Variants in DNAH2 observed in about 807,000 individuals in gnomAD.
The protein encoded by DNAH2 is dynein axonemal heavy chain 2.
A neutral mutation model predicts 523.5 loss-of-function variants in DNAH2; 323 were observed. That is an observed-to-expected ratio of 0.62 (90% CI 0.56 to 0.68). The LOEUF is 0.68. Ranked by LOEUF, DNAH2 falls within the 30% of genes least tolerant of loss-of-function variation. The pLI is 0.00. For synonymous variants in DNAH2, 2,093 were observed against 2,177.4 expected (o/e 0.96, Z 1.08); for missense variants, 4,907 against 5,701.5 (o/e 0.86, Z 4.49).
chr17:7,790,094 G>A (rs962887086), intron 44 of DNAH2, among the ~76,000 whole-genome samples: 7 of 152,198 alleles, frequency 4.6e-5, no homozygotes, highest in African/African-American at 1.7e-4. Flanking sequence ...GTCTCCAAGA[G>A]GCCTGAGAGA....
Position 7,799,155 on chromosome 17 carries a change from C to T in DNAH2, c.8612C>T (p.Ser2871Leu), listed in dbSNP as rs768853669. The T allele has an allele frequency of 9.3e-6, 15 of 1,614,216 alleles. No individual in the cohort carries two copies. Among genetic ancestry groups the T allele is most frequent in the African/African-American group, 2.7e-5 (2 of 75,064 alleles). Residue 2871 changes from serine to leucine, a missense_variant, in exon 56 of 86, where the codon TCG (serine) becomes TTG (leucine). Ser to Leu is a moderately radical substitution (Grantham distance 145). Transcript: ENST00000572933. ...QARVEQVPES[S>L]DSLFAYLIER... Reference sequence around the variant, plus strand: ...CGGGTGGAGCAGGTGCCTGAGTCATCGGACAGCCTCTTCGCCTACCTCATT... The same window carrying T: ...CGGGTGGAGCAGGTGCCTGAGTCATTGGACAGCCTCTTCGCCTACCTCATT...
In DNAH2 at chr17:7,780,172, C is replaced by T. The variant is rs756976023; in HGVS notation, c.5738C>T (p.Thr1913Ile). 3.7e-6 allele frequency: 6 copies of T among 1,613,458 alleles called. No homozygotes were observed. The highest frequency in any genetic ancestry group is 5.1e-6 in the Non-Finnish European group (6 of 1,179,762). The change falls in exon 37 of 86, where the codon ACA becomes ATA. Residue 1913 changes from threonine (T) to isoleucine (I), a missense_variant. Around this residue, in one of 3 missense-constraint regions of DNAH2, gnomAD observed 2,806 missense variants for 3,190.8 expected, o/e 0.88. Coordinates refer to ENST00000572933, the MANE Select transcript of DNAH2 (RefSeq NM_020877.5). This position sits in a 1 kb window ranked among gnomAD's most constrained non-coding sequence, Gnocchi z 4.4. ...ITMNPGYAGR[T>I]ELPENLKSMF... ...TGTTTTCCAGGCTATGCTGGCCGCA[C>T]AGAGCTTCCCGAAAATCTTAAATCC...
At position 7,830,413 on chromosome 17, in the gene DNAH2, C is replaced by T. The variant is rs764981425; in HGVS notation, c.11967C>T (p.His3989=). The T allele has an allele frequency of 4.0e-5, 64 of 1,614,134 alleles. 1 individual carries two copies. Among genetic ancestry groups the T allele is most frequent in the Admixed American group, 1.2e-4 (7 of 60,016 alleles). The change falls in exon 78 of 86, where the codon CAC becomes CAT. Residue 3989 remains histidine, a synonymous_variant. Transcript: ENST00000572933. ...TGCTGTTTTCACTCTGTTTCTTCCACTCTGTGTTACTTGAACGCAAAAAGT... is the reference window on the plus strand; with the variant it reads ...TGCTGTTTTCACTCTGTTTCTTCCATTCTGTGTTACTTGAACGCAAAAAGT... ...KKLLFSLCFF[H]SVLLERKKFL...
rs1179126719 is a variant in DNAH2 at position 7,807,818 on chromosome 17, G to C, written c.9729+232G>C. Among the ~76,000 whole-genome samples, 5 of 152,182 alleles carry C rather than the reference G, an allele frequency of 3.3e-5. No individual in the cohort carries two copies. The highest frequency in any genetic ancestry group is 1.2e-4 in the African/African-American group (5 of 41,462). ...GGCTCAAAGGCACTGCGACCCAGGA[G>C]CCCTTCCAAAGATTGACTTGGGAGC... On this transcript the variant is annotated intron_variant, in intron 63 of 85. Transcript: ENST00000572933. The surrounding 1 kb of genome is among the most constrained non-coding windows in gnomAD (Gnocchi z 5.6).
At chr17:7,740,346 G>A (rs2075273795) in intron 9 of DNAH2, 74 bp from the exon 10 acceptor site, 1 of 1,592,138 alleles carries the variant, frequency 6.3e-7, no homozygotes, top group African/African-American at 1.3e-5. Flanking sequence ...GCAATGCATG[G>A]GATTCTTCCT....
chr17:7,833,078 T>C lies in DNAH2; in HGVS notation c.12986T>C (p.Val4329Ala). 6.2e-7 allele frequency: 1 copy of C among 1,613,478 alleles called. No homozygotes were observed. Reference protein sequence around the residue: ...SNLVYPPKDGVWVRGLYLEGA... With the variant: ...SNLVYPPKDGAWVRGLYLEGA... ...GCTCCCATTTCTCCCCAGGATGGTGTCTGGGTCCGGGGCCTGTACCTGGAA... is the reference window on the plus strand; with the variant it reads ...GCTCCCATTTCTCCCCAGGATGGTGCCTGGGTCCGGGGCCTGTACCTGGAA... The change falls in exon 85 of 86, where the codon GTC becomes GCC. Residue 4329 changes from valine (V) to alanine (A), a missense_variant. This residue lies in a region of DNAH2 where 1,851 missense variants were observed against 2,139.4 expected (regional missense o/e 0.87). Transcript: ENST00000572933.
chr17:7,824,829 T>C, intron 77 of DNAH2, 102 bp downstream of exon 77: 1 of 1,096,936 alleles, frequency 9.1e-7, no homozygotes, highest in Admixed American at 3.1e-5. Context: ...ATGATTTGAT[T>C]GTCCTCAAAA....
intron 44 of DNAH2, among the ~76,000 whole-genome samples, chr17:7,788,539 CA>C (rs2076809971): frequency 6.6e-6 from 1 of 152,186 alleles, no homozygotes; most frequent in Non-Finnish European, 1.5e-5. Context: ...GAAAATAGCT[CA>C]TTCCGCTCCT....
intron 58 of DNAH2, among the ~76,000 whole-genome samples, chr17:7,802,727 A>G (rs950902492): frequency 5.9e-5 from 9 of 151,890 alleles, no homozygotes; most frequent in Admixed American, 2.0e-4. Context: ...GCAGTGGCGC[A>G]GTCTTGGCTC....
chr17:7,787,572 TA>T lies in DNAH2; in HGVS notation c.6604-282del, dbSNP rs1333717215. ...CAACAGGGTAAAACCCCATCTCTAC[TA>T]AAAAATACAAAAGTTAGCTGGGTGT... is the stretch of plus-strand genomic sequence containing the variant. On this transcript the variant is annotated intron_variant, in intron 42 of 85. Transcript: ENST00000572933. 7 of 305,426 alleles carry T rather than the reference TA, an allele frequency of 2.3e-5. No individual in the cohort carries two copies. In the East Asian group the frequency reaches 3.6e-4, roughly 16 times the overall value. The allele number at this position is 305,426 out of a possible 1,614,324, so 18.9% of individuals were successfully genotyped here.
chr17:7,785,027 GC>G (rs1453140332), intron 39 of DNAH2, among the ~76,000 whole-genome samples: 1 of 151,676 alleles, frequency 6.6e-6, no homozygotes, highest in Non-Finnish European at 1.5e-5. Context: ...AATAGAAAAA[GC>G]CCGAGTGTTT....
At position 7,738,129 on chromosome 17, in the gene DNAH2, C is replaced by T. The variant is rs534623902; in HGVS notation, c.1170+871C>T. On this transcript the variant is annotated intron_variant, in intron 8 of 85. Transcript: ENST00000572933. ...GTGCAGATGCACATCCAGTATGATA[C>T]GCCTCCCCTAACATCCCATGTCTCA... 30 of 703,124 alleles carry T rather than the reference C, an allele frequency of 4.3e-5. No homozygotes were observed. In the East Asian group the frequency reaches 6.2e-4, roughly 14 times the overall value. The allele number at this position is 703,124 out of a possible 1,614,324, so 43.6% of individuals were successfully genotyped here. A position where few individuals can be genotyped will look rare whatever the true frequency, so the allele number is the denominator to read the frequency against.
At chr17:7,816,920 A>G (rs980429599) in intron 64 of DNAH2, among the ~76,000 whole-genome samples, 185 bp downstream of exon 64, 1 of 152,190 alleles carries the variant, frequency 6.6e-6, no homozygotes, top group Non-Finnish European at 1.5e-5. Flanking sequence ...ATGGAAGGAA[A>G]GGCTTTTTGC....
chr17:7,831,428 T>G lies in DNAH2; in HGVS notation c.12498T>G (p.Pro4166=). Residue 4166 remains proline, a synonymous_variant, in exon 81 of 86, where the codon CCT becomes CCG. Transcript: ENST00000572933. This position sits in a 1 kb window ranked among gnomAD's most constrained non-coding sequence, Gnocchi z 4.2. ...CCGCTGATGTGAAGCAGAAGATCCC[T>G]GAAATGATCGACTATGAGGGGACTC... is the stretch of plus-strand genomic sequence containing the variant. The part of the protein sequence containing the change: ...ELAADVKQKI[P]EMIDYEGTQK... 6.2e-7 allele frequency: 1 copy of G among 1,614,180 alleles called. No homozygotes were observed. The highest frequency in any genetic ancestry group is 8.5e-7 in the Non-Finnish European group (1 of 1,180,038).
intron 6 of DNAH2, 66 bp from the exon 7 acceptor site, chr17:7,734,404 G>A: frequency 6.3e-7 from 1 of 1,599,806 alleles, no homozygotes; most frequent in Non-Finnish European, 8.6e-7. Context: ...GGGGTTGCGG[G>A]GAGTGAAGGA....
Position 7,755,829 on chromosome 17 carries a change from T to C in DNAH2, c.1905-1262T>C, listed in dbSNP as rs1196213471. 2.6e-5 allele frequency among the ~76,000 whole-genome samples: 4 copies of C among 151,044 alleles called. No individual in the cohort carries two copies. The Middle Eastern group carries it at 0.014, about 521-fold the overall frequency. On this transcript the variant is annotated intron_variant, in intron 12 of 85. Coordinates refer to ENST00000572933, the MANE Select transcript of DNAH2 (RefSeq NM_020877.5). Reference sequence around the variant, plus strand: ...ATCTCTTTTTTTTTTTTTGAGACAGTGTCTCTGTTGCCTAGGCTGGAGTGC... The same window carrying C: ...ATCTCTTTTTTTTTTTTTGAGACAGCGTCTCTGTTGCCTAGGCTGGAGTGC...
chr17:7,761,512 A>AT (rs2076004805), intron 18 of DNAH2, among the ~76,000 whole-genome samples: 2 of 141,610 alleles, frequency 1.4e-5, no homozygotes, highest in African/African-American at 2.6e-5. Context: ...TTTTTCAAAT[A>AT]TTTTTTTTTG....
In DNAH2 at chr17:7,804,306, G is replaced by A. The variant is rs763406586; in HGVS notation, c.9023G>A (p.Arg3008Gln). 30 of 1,614,068 alleles carry A rather than the reference G, an allele frequency of 1.9e-5. No homozygotes were observed. The highest frequency in any genetic ancestry group is 8.9e-5 in the East Asian group (4 of 44,890). ...CTGCTGGCCCAAGCCAATAAACTGC[G>A]GACAGGCTTGTTCAAGATCGACGAA... is the stretch of plus-strand genomic sequence containing the variant. ...QELLAQANKLRTGLFKIDETR... is the reference protein window; with the variant it reads ...QELLAQANKLQTGLFKIDETR... Residue 3008 changes from arginine to glutamine, a missense_variant, in exon 59 of 86, where the codon CGG (arginine) becomes CAG (glutamine). Coordinates refer to ENST00000572933, the MANE Select transcript of DNAH2 (RefSeq NM_020877.5).
At chr17:7,825,286 C>T (rs2077987937) in intron 77 of DNAH2, among the ~76,000 whole-genome samples, 1 of 152,226 alleles carries the variant, frequency 6.6e-6, no homozygotes, top group South Asian at 2.1e-4. Context: ...CACTGCGCTT[C>T]ACCCACTCAC....
Sources: allele counts gnomAD v4.1 joint callset (sites outside exome capture counted in the v4.1 genomes callset), GRCh38; gene constraint gnomAD v4.1.1; regional missense constraint gnomAD v4.1.1; non-coding constraint Gnocchi (gnomAD v3.1); transcripts MANE v1.5; gene names NCBI Gene and HGNC (gene_info 2026-07-23, HGNC 2026-07-21).